Variants in NFIL3 observed in about 807,000 individuals in gnomAD.
The protein encoded by NFIL3 is nuclear factor interleukin-3-regulated protein.
A neutral mutation model predicts 10.0 loss-of-function variants in NFIL3; 5 were observed. The observed-to-expected ratio is 0.50, with a 90% CI of 0.26 to 1.06. NFIL3 has a LOEUF of 1.06. Ranked by LOEUF, NFIL3 falls within the 50% of genes least tolerant of loss-of-function variation. The pLI, the probability that NFIL3 is intolerant of heterozygous loss-of-function variation, is 0.13. For missense variants in NFIL3, 436 were observed against 547.6 expected (o/e 0.80, Z 2.03); for synonymous variants, 202 against 206.5 (o/e 0.98, Z 0.19).
the NFIL3 span, among the ~76,000 whole-genome samples, chr9:91,449,742 T>A: frequency 1.3e-5 from 2 of 152,104 alleles, no homozygotes; most frequent in East Asian, 3.8e-4. Context: ...CAAAGTTTCC[T>A]CTCCTCTTCT....
the NFIL3 span, among the ~76,000 whole-genome samples, chr9:91,458,823 G>A: frequency 1.3e-5 from 2 of 152,096 alleles, no homozygotes; most frequent in South Asian, 2.1e-4. Context: ...CTCATTGCTG[G>A]AGGTATCACC....
chr9:91,476,185 A>G, the NFIL3 span, among the ~76,000 whole-genome samples: 1 of 152,248 alleles, frequency 6.6e-6, no homozygotes, highest in Non-Finnish European at 1.5e-5. Flanking sequence ...CTAAAAAACC[A>G]GATACCACAC....
the NFIL3 span, among the ~76,000 whole-genome samples, chr9:91,457,248 T>C: frequency 6.9e-6 from 1 of 144,684 alleles, no homozygotes; most frequent in African/African-American, 2.7e-5. Context: ...TCAGTTTTTG[T>C]CAAAAAAAAA....
upstream of NFIL3, among the ~76,000 whole-genome samples, chr9:91,427,815 A>T (rs962089571): frequency 1.3e-5 from 2 of 149,374 alleles, no homozygotes; most frequent in African/African-American, 4.9e-5. Flanking sequence ...TAATTTTTTA[A>T]TTTTTTTTTT....
At chr9:91,467,685 C>G in the NFIL3 span, among the ~76,000 whole-genome samples, 1 of 151,928 alleles carries the variant, frequency 6.6e-6, no homozygotes, top group Non-Finnish European at 1.5e-5. Context: ...ATCCCTCCCC[C>G]CAACCCCCAC....
At chr9:91,465,513 C>G in the NFIL3 span, among the ~76,000 whole-genome samples, 1 of 151,958 alleles carries the variant, frequency 6.6e-6, no homozygotes, top group East Asian at 1.9e-4. Flanking sequence ...TCTACCTTTA[C>G]TCTATTTTTC....
chr9:91,421,278 G>A (rs1229881964), intron 1 of NFIL3, among the ~76,000 whole-genome samples: 1 of 139,940 alleles, frequency 7.1e-6, no homozygotes, highest in Non-Finnish European at 1.6e-5. Flanking sequence ...CCCGCGGCCC[G>A]GGCGAACCCA....
the NFIL3 span, among the ~76,000 whole-genome samples, chr9:91,470,329 A>G: frequency 4.0e-5 from 6 of 150,046 alleles, no homozygotes; most frequent in African/African-American, 1.5e-4. Flanking sequence ...AGAGGTGTTT[A>G]TAGTATTCTC....
the NFIL3 span, among the ~76,000 whole-genome samples, chr9:91,438,448 A>T: frequency 6.6e-6 from 1 of 152,148 alleles, no homozygotes; most frequent in African/African-American, 2.4e-5. Context: ...TTTTTTCCCA[A>T]TTCATAGGCT....
At chr9:91,467,281 T>A in the NFIL3 span, among the ~76,000 whole-genome samples, 1 of 152,196 alleles carries the variant, frequency 6.6e-6, no homozygotes, top group South Asian at 2.1e-4. Flanking sequence ...GTGTATATGA[T>A]GTATGTGTGC....
At chr9:91,419,420 G>A (rs1005082394) in intron 1 of NFIL3, among the ~76,000 whole-genome samples, 6 of 152,200 alleles carry the variant, frequency 3.9e-5, no homozygotes, top group Non-Finnish European at 8.8e-5. Context: ...ATTGCTCAAC[G>A]TCCGAAAGGC....
the NFIL3 span, among the ~76,000 whole-genome samples, chr9:91,456,685 A>G: frequency 2.6e-5 from 4 of 152,252 alleles, no homozygotes; most frequent in Admixed American, 2.0e-4. Context: ...AAAGGGAAGA[A>G]AGTCTGAATT....
the NFIL3 span, among the ~76,000 whole-genome samples, chr9:91,453,090 G>C: frequency 3.9e-4 from 60 of 152,174 alleles, no homozygotes; most frequent in African/African-American, 1.4e-3. Flanking sequence ...TGTGTCAGCA[G>C]GTTTGGTTCT....
upstream of NFIL3, among the ~76,000 whole-genome samples, chr9:91,424,612 G>T (rs528539948): frequency 2.0e-4 from 30 of 152,318 alleles, no homozygotes; most frequent in African/African-American, 6.5e-4. Flanking sequence ...CACAAACACC[G>T]CCCCCTGCAC....
the NFIL3 span, among the ~76,000 whole-genome samples, chr9:91,439,035 T>TA: frequency 2.6e-5 from 4 of 152,118 alleles, no homozygotes; most frequent in Non-Finnish European, 4.4e-5. Flanking sequence ...TTCTGAACTT[T>TA]AAAAAAAATT....
the NFIL3 span, among the ~76,000 whole-genome samples, chr9:91,478,927 G>A: frequency 1.3e-5 from 2 of 152,158 alleles, no homozygotes; most frequent in African/African-American, 2.4e-5. Flanking sequence ...GCTGGAGTTT[G>A]CTGGAGGTCC....
upstream of NFIL3, among the ~76,000 whole-genome samples, chr9:91,427,627 TGTTG>T (rs1833885515): frequency 6.7e-6 from 1 of 150,036 alleles, no homozygotes; most frequent in Admixed American, 6.6e-5. Flanking sequence ...TTTTTGTTGT[TGTTG>T]TTGTTGTTGT....
the NFIL3 span, among the ~76,000 whole-genome samples, chr9:91,462,203 A>AT: frequency 6.6e-5 from 8 of 121,688 alleles, no homozygotes; most frequent in Non-Finnish European, 1.1e-4. Context: ...ATTATCTTTT[A>AT]TTTTTTTTGG....
chr9:91,413,957 A>G (rs1231311038), intron 1 of NFIL3, among the ~76,000 whole-genome samples: 1 of 152,008 alleles, frequency 6.6e-6, no homozygotes, highest in Non-Finnish European at 1.5e-5. Flanking sequence ...CTAGATTTAC[A>G]GTAATGCTTT....
Sources: allele counts gnomAD v4.1 joint callset (sites outside exome capture counted in the v4.1 genomes callset), GRCh38; gene constraint gnomAD v4.1.1; transcripts MANE v1.5; gene names NCBI Gene and HGNC (gene_info 2026-07-23, HGNC 2026-07-21).